TTC13: variants seen among roughly 807,000 people sequenced by gnomAD.
The protein encoded by TTC13 is tetratricopeptide repeat protein 13.
In TTC13, 62 loss-of-function variants were observed where a neutral mutation model predicts 120.0. The ratio of observed to expected loss-of-function variants is 0.52; its 90% confidence interval spans 0.42 to 0.64. The LOEUF (loss-of-function observed/expected upper bound fraction) is 0.64, where lower values mean the gene tolerates loss of function less well. Ranked by LOEUF, TTC13 falls within the 30% of genes least tolerant of loss-of-function variation. The probability of loss-of-function intolerance (pLI) is 0.00; values close to 1 mark genes in which losing one functional copy is unlikely to be tolerated. For missense variants in TTC13, 824 were observed against 1,050.2 expected (o/e 0.78, Z 2.98); for synonymous variants, 384 against 393.5 (o/e 0.98, Z 0.28).
chr1:230,967,675 TATAAC>T (rs776342957), intron 1 of TTC13, among the ~76,000 whole-genome samples: 1 of 152,216 alleles, frequency 6.6e-6, no homozygotes, highest in Non-Finnish European at 1.5e-5. Flanking sequence ...TTGCTAGAGT[TATAAC>T]TATAGTTGTG....
At chr1:230,959,055 T>C (rs1572273871) in intron 2 of TTC13, among the ~76,000 whole-genome samples, 1 of 152,174 alleles carries the variant, frequency 6.6e-6, no homozygotes, top group Admixed American at 6.5e-5. Context: ...ACAACATATA[T>C]GTATATAAAA....
intron 3 of TTC13, among the ~76,000 whole-genome samples, chr1:230,957,307 G>T (rs1676185723): frequency 6.6e-6 from 1 of 152,140 alleles, no homozygotes; most frequent in African/African-American, 2.4e-5. Context: ...AGGCACGGTG[G>T]TGTGCACCTG....
rs564866580 is a variant in TTC13, at chr1:230,954,286, T to C, written c.513+47A>G. 2.9e-4 allele frequency: 399 copies of C among 1,364,648 alleles called. 8 individuals are homozygous for C. The South Asian group carries it at 3.9e-3, about 13-fold the overall frequency. 84.5% of individuals were successfully genotyped at this position (1,364,648 alleles called of 1,614,324 possible). ...TCAGCTGTTCATTAGTCCATATTTT[T>C]GTCATGACCATAAACTCAAAATTAC... On this transcript the variant is annotated intron_variant, in intron 4 of 22. Coordinates refer to ENST00000366661, the MANE Select transcript of TTC13 (RefSeq NM_024525.5).
intron 17 of TTC13, 114 bp downstream of exon 17, chr1:230,920,396 G>T: frequency 2.7e-6 from 2 of 750,858 alleles, no homozygotes; most frequent in Non-Finnish European, 4.5e-6. Context: ...TTCAGAATGT[G>T]TTCATACGAG....
intron 4 of TTC13, among the ~76,000 whole-genome samples, chr1:230,953,307 C>A (rs76794231): frequency 2.0e-5 from 3 of 152,052 alleles, no homozygotes; most frequent in Non-Finnish European, 2.9e-5. Context: ...TATAATTAAC[C>A]TTATTTTTAA....
Position 230,923,783 on chromosome 1 carries a change from C to A in TTC13, c.1814+58G>T, listed in dbSNP as rs1315306038. 41 of 1,444,966 alleles carry A rather than the reference C, an allele frequency of 2.8e-5. No individual in the cohort carries two copies. The Admixed American group carries it at 6.9e-4, about 24-fold the overall frequency. The allele number at this position is 1,444,966 out of a possible 1,614,324, so 89.5% of individuals were successfully genotyped here. A position where few individuals can be genotyped will look rare whatever the true frequency, so the allele number is the denominator to read the frequency against. On this transcript the variant is annotated intron_variant, in intron 15 of 22. Transcript: ENST00000366661. ...AATGGGTCACTCCTGGTCTCCATGG[C>A]CTGTGTCTTGAGAATAAACTCCTAG...
chr1:230,928,214 T>C (rs982413188), intron 12 of TTC13, among the ~76,000 whole-genome samples: 2 of 152,180 alleles, frequency 1.3e-5, no homozygotes, highest in Non-Finnish European at 2.9e-5. Context: ...ATAATTAATT[T>C]GCAGATAAAT....
intron 1 of TTC13, among the ~76,000 whole-genome samples, chr1:230,971,963 C>A (rs1486355034): frequency 6.6e-6 from 1 of 152,204 alleles, no homozygotes; most frequent in African/African-American, 2.4e-5. Context: ...AACATCAACT[C>A]CACAGGGAAT....
chr1:230,908,474 GCTA>G (rs1671157196), intron 22 of TTC13: 4 of 543,400 alleles, frequency 7.4e-6, no homozygotes, highest in Non-Finnish European at 1.4e-5. Flanking sequence ...ACAGGTATGA[GCTA>G]CTGTGCCTGG....
intron 1 of TTC13, among the ~76,000 whole-genome samples, chr1:230,972,991 C>T (rs544494356): frequency 6.6e-6 from 1 of 152,144 alleles, no homozygotes; most frequent in Non-Finnish European, 1.5e-5. Context: ...CTGAGCACAG[C>T]GACTTTGCAC....
intron 3 of TTC13, 85 bp from the exon 4 acceptor site, chr1:230,954,488 C>CTTATTT: frequency 9.5e-7 from 1 of 1,057,220 alleles, no homozygotes; most frequent in Non-Finnish European, 1.4e-6. Context: ...GGTAAATCTC[C>CTTATTT]AAAGGCAGCT....
chr1:230,933,069 T>C (rs1020434098), intron 9 of TTC13, among the ~76,000 whole-genome samples: 1 of 151,704 alleles, frequency 6.6e-6, no homozygotes, highest in African/African-American at 2.4e-5. Context: ...GACTCCCGGG[T>C]TCAAGCGATT....
intron 20 of TTC13, among the ~76,000 whole-genome samples, chr1:230,909,224 C>A (rs9431888): frequency 0.13 from 19,768 of 152,220 alleles, 1,346 homozygotes; most frequent in Middle Eastern, 0.16. Flanking sequence ...TATTTACTGG[C>A]CAGGTGAGGT....
chr1:230,922,505 T>C (rs986884294), intron 15 of TTC13, among the ~76,000 whole-genome samples: 5 of 152,182 alleles, frequency 3.3e-5, no homozygotes, highest in Non-Finnish European at 7.4e-5. Context: ...GGGGAAAAAA[T>C]TCCTTAGCTT....
chr1:230,929,234 CTATTAG>C (rs1218759182), intron 11 of TTC13, 141 bp from the exon 12 acceptor site: 5 of 851,548 alleles, frequency 5.9e-6, no homozygotes, highest in Non-Finnish European at 8.7e-6. Flanking sequence ...TAGTAAGTCA[CTATTAG>C]TATATGATAG....
At chr1:230,916,845 G>A (rs1216740870) in intron 17 of TTC13, among the ~76,000 whole-genome samples, 2 of 152,212 alleles carry the variant, frequency 1.3e-5, no homozygotes, top group African/African-American at 4.8e-5. Flanking sequence ...ATTACTCGGA[G>A]TTAAGAATGG....
chr1:230,928,579 C>T (rs545461197), intron 12 of TTC13, among the ~76,000 whole-genome samples: 1 of 152,296 alleles, frequency 6.6e-6, no homozygotes, highest in East Asian at 1.9e-4. Context: ...TCTTTTTCTT[C>T]TCTCTGTGCA....
At position 230,934,908 on chromosome 1, in the gene TTC13, T is replaced by C. The variant is rs1318419656; in HGVS notation, c.901-1047A>G. Among the ~76,000 whole-genome samples the C allele has an allele frequency of 5.9e-5, 9 of 152,196 alleles. No individual in the cohort carries two copies. In the South Asian group the frequency reaches 8.3e-4, roughly 14 times the overall value. The stretch of plus-strand genomic sequence containing the variant: ...TAATGATTTGGTAAGGCACACAAAA[T>C]TGTTTTGCAAAAGCAGTAAAATTCT... On this transcript the variant is annotated intron_variant, in intron 8 of 22. Coordinates refer to ENST00000366661, the MANE Select transcript of TTC13 (RefSeq NM_024525.5).
At chr1:230,949,754 T>C (rs1244738044) in intron 4 of TTC13, among the ~76,000 whole-genome samples, 1 of 152,162 alleles carries the variant, frequency 6.6e-6, no homozygotes, top group African/African-American at 2.4e-5. Context: ...CACGCCATTC[T>C]CCCGCCTCAG....
Sources: gnomAD v4.1 joint callset for allele counts (sites outside exome capture counted in the v4.1 genomes callset) on GRCh38, gnomAD v4.1.1 for gene constraint, MANE v1.5 for transcripts, NCBI Gene and HGNC (gene_info 2026-07-23, HGNC 2026-07-21) for gene names.